The following FRRS1 variants were observed in gnomAD, a reference collection of about 807,000 sequenced individuals.
The protein encoded by FRRS1 is ferric reductase 1.
A neutral mutation model predicts 70.7 loss-of-function variants in FRRS1; 51 were observed. That is an observed-to-expected ratio of 0.72 (90% CI 0.58 to 0.91). FRRS1 has a LOEUF of 0.91. FRRS1 is among the 40% of genes least tolerant of loss of function. The pLI is 0.00. For synonymous variants in FRRS1, 225 were observed against 238.7 expected, an observed-to-expected ratio of 0.94 and a Z score of 0.53; for missense variants, 672 against 726.0, an observed-to-expected ratio of 0.93 and a Z score of 0.86.
intron 12 of FRRS1, among the ~76,000 whole-genome samples, chr1:99,712,839 A>G (rs1654340569): frequency 6.6e-6 from 1 of 152,192 alleles, no homozygotes; most frequent in African/African-American, 2.4e-5. Context: ...GGTGGAATCC[A>G]TGTACAGAAT....
intron 4 of FRRS1, among the ~76,000 whole-genome samples, chr1:99,745,453 G>A (rs775135719): frequency 6.6e-6 from 1 of 152,140 alleles, no homozygotes; most frequent in Non-Finnish European, 1.5e-5. Flanking sequence ...GGAGGCCGAG[G>A]CGGGAGGATC....
Position 99,738,135 on chromosome 1 carries a change from C to T in FRRS1, c.710G>A (p.Gly237Asp), listed in dbSNP as rs1483192157. Reference sequence around the variant, plus strand: ...AAAGGATAAATAGCCTTTACTGGGGCCGCTCATTTCAACCATCACCGATTG... The same window carrying T: ...AAAGGATAAATAGCCTTTACTGGGGTCGCTCATTTCAACCATCACCGATTG... ...DDQSVMVEMS[G>D]PSKGYLSFAL... is the part of the protein sequence containing the mutation. The change falls in exon 7 of 17, where the codon GGC (glycine) becomes GAC (aspartate). Residue 237 changes from glycine (G) to aspartate (D), a missense_variant. Physicochemically the swap from Gly to Asp is moderately conservative, Grantham distance 94. Transcript: ENST00000646001. The T allele has an allele frequency of 6.2e-7, 1 of 1,613,748 alleles. No homozygotes were observed. Among genetic ancestry groups the T allele is most frequent in the Non-Finnish European group, 8.5e-7 (1 of 1,179,716 alleles).
chr1:99,734,794 A>G (rs1249361254), intron 7 of FRRS1, among the ~76,000 whole-genome samples: 1 of 152,174 alleles, frequency 6.6e-6, no homozygotes, highest in Non-Finnish European at 1.5e-5. Context: ...GGGGCATAAT[A>G]AAAAGTTCAG....
Position 99,728,639 on chromosome 1 carries a change from T to A in FRRS1, c.860A>T (p.Asp287Val), listed in dbSNP as rs762839249. The A allele has an allele frequency of 6.2e-7, 1 of 1,612,506 alleles. No homozygotes were observed. Among genetic ancestry groups the A allele is most frequent in the Non-Finnish European group, 8.5e-7 (1 of 1,179,194 alleles). ...GRSHPVMDSR[D>V]TLEDMAWRLA... ...CCTCCAAGCCATATCCTCAAGGGTA[T>A]CCTACAAACACACACAATGGGTCTT... Residue 287 changes from aspartate to valine, a missense_variant and splice_region_variant, in exon 9 of 17, where the codon GAT becomes GTT. Transcript: ENST00000646001.
intron 1 of FRRS1, among the ~76,000 whole-genome samples, chr1:99,764,200 G>C (rs1657249215): frequency 6.6e-6 from 1 of 151,984 alleles, no homozygotes. Context: ...CTCCACTGAG[G>C]AATCAAAACA....
chr1:99,709,559 T>C (rs1056816590), intron 15 of FRRS1, among the ~76,000 whole-genome samples: 3 of 152,226 alleles, frequency 2.0e-5, no homozygotes, highest in African/African-American at 4.8e-5. Context: ...AAATATTGTA[T>C]ATATTCATGG....
In FRRS1 at chr1:99,704,170, GA is replaced by G. The variant is rs1037166523; in HGVS notation, c.*4857del. Among the ~76,000 whole-genome samples the G allele has an allele frequency of 6.6e-6, 1 of 152,186 alleles. No homozygotes were observed. The highest frequency in any genetic ancestry group is 1.5e-5 in the Non-Finnish European group (1 of 68,038). Reference sequence around the variant, plus strand: ...TTGGATCCTCACAGCTGCTCTGTGAGATGGGCTTTACAGATGAAAGAATAGA... The same window carrying G: ...TTGGATCCTCACAGCTGCTCTGTGAGTGGGCTTTACAGATGAAAGAATAGA... On this transcript the variant is annotated 3_prime_UTR_variant, in exon 17 of 17. Coordinates refer to ENST00000646001, the MANE Select transcript of FRRS1 (RefSeq NM_001361041.2).
intron 8 of FRRS1, 65 bp from the exon 9 acceptor site, chr1:99,728,705 C>A: frequency 7.0e-7 from 1 of 1,421,798 alleles, no homozygotes; most frequent in South Asian, 1.2e-5. Flanking sequence ...AAGATATGAT[C>A]AAAATCCTGC....
rs1465371532 is a variant in FRRS1, at chr1:99,748,769, C to G, written c.1-1G>C. 1 of 1,611,340 alleles carries G rather than the reference C, an allele frequency of 6.2e-7. No individual in the cohort carries two copies. Among genetic ancestry groups the G allele is most frequent in the Admixed American group, 1.7e-5 (1 of 59,594 alleles). ...CAAGAGTAAATCCAGAAACTGCCAT[C>G]TCAAAAAGAAGGGTAAAAGCCCATT... is the stretch of plus-strand genomic sequence containing the variant. On this transcript the variant is annotated splice_acceptor_variant, in intron 2 of 16. Transcript: ENST00000646001. LOFTEE classifies it low-confidence loss of function (5UTR_SPLICE).
chr1:99,734,699 C>G lies in FRRS1; in HGVS notation c.759+3387G>C, dbSNP rs141486178. On this transcript the variant is annotated intron_variant, in intron 7 of 16. Transcript: ENST00000646001. ...GTTTATAAATTGCCTAGGACAGTAC[C>G]CAACAAGAAACAAGCCATCAACAAT... 2.4e-3 allele frequency among the ~76,000 whole-genome samples: 372 copies of G among 152,202 alleles called. 2 individuals carry two copies. The highest frequency in any genetic ancestry group is 0.017 in the Middle Eastern group (5 of 294).
Position 99,755,845 on chromosome 1 carries a change from C to T in FRRS1, c.-105-6844G>A, listed in dbSNP as rs1460707262. On this transcript the variant is annotated intron_variant, in intron 1 of 16. Coordinates refer to ENST00000646001, the MANE Select transcript of FRRS1 (RefSeq NM_001361041.2). Reference sequence around the variant, plus strand: ...AGGGAAGTGACTAAGACACCACCACCCATCATCGATTAGGAAAATATAACA... The same window carrying T: ...AGGGAAGTGACTAAGACACCACCACTCATCATCGATTAGGAAAATATAACA... 7.2e-5 allele frequency among the ~76,000 whole-genome samples: 11 copies of T among 152,254 alleles called. No homozygotes were observed. In the East Asian group the frequency reaches 2.1e-3, roughly 29 times the overall value.
intron 4 of FRRS1, among the ~76,000 whole-genome samples, chr1:99,744,833 T>A (rs1374639576): frequency 6.7e-6 from 1 of 149,382 alleles, no homozygotes; most frequent in African/African-American, 2.4e-5. Context: ...AGCCGGGCGT[T>A]GTGGCGGGCG....
rs1284221606 is a variant in FRRS1 at position 99,706,571 on chromosome 1, C to A, written c.*2457G>T. Among the ~76,000 whole-genome samples, 2 of 152,100 alleles carry A rather than the reference C, an allele frequency of 1.3e-5. No individual in the cohort carries two copies. The highest frequency in any genetic ancestry group is 4.8e-5 in the African/African-American group (2 of 41,410). On this transcript the variant is annotated 3_prime_UTR_variant, in exon 17 of 17. Coordinates refer to ENST00000646001, the MANE Select transcript of FRRS1 (RefSeq NM_001361041.2). Reference sequence around the variant, plus strand: ...TATAGCAAGCCCACATATTTGAAGACCAAACACATCAAGACTCATCTTTCC... The same window carrying A: ...TATAGCAAGCCCACATATTTGAAGAACAAACACATCAAGACTCATCTTTCC...
chr1:99,741,533 T>C (rs1223091162), intron 5 of FRRS1, among the ~76,000 whole-genome samples: 1 of 152,226 alleles, frequency 6.6e-6, no homozygotes, highest in African/African-American at 2.4e-5. Flanking sequence ...TAGATGGCAT[T>C]ATAACATTCC....
chr1:99,742,407 A>T, intron 4 of FRRS1, 134 bp from the exon 5 acceptor site: 1 of 603,408 alleles, frequency 1.7e-6, no homozygotes, highest in Non-Finnish European at 3.0e-6. Context: ...ATTTAGAAGA[A>T]GGACTCAGGC....
intron 1 of FRRS1, among the ~76,000 whole-genome samples, chr1:99,758,592 A>G (rs1656956303): frequency 7.8e-6 from 1 of 128,458 alleles, no homozygotes; most frequent in Admixed American, 7.8e-5. Context: ...TGTTAACTGT[A>G]CAAATTGACT....
intron 9 of FRRS1, among the ~76,000 whole-genome samples, chr1:99,725,794 A>G (rs533392340): frequency 6.6e-6 from 1 of 152,244 alleles, no homozygotes; most frequent in African/African-American, 2.4e-5. Flanking sequence ...TAACCTATGA[A>G]GAAACATTTC....
chr1:99,760,314 C>CA (rs1657055051), intron 1 of FRRS1, among the ~76,000 whole-genome samples: 1 of 152,124 alleles, frequency 6.6e-6, no homozygotes, highest in Admixed American at 6.6e-5. Context: ...TTAATTTGTT[C>CA]AAACGTAAAA....
chr1:99,726,709 T>C (rs1571113432), intron 9 of FRRS1, among the ~76,000 whole-genome samples: 2 of 152,334 alleles, frequency 1.3e-5, no homozygotes, highest in East Asian at 3.9e-4. Flanking sequence ...ACATTTCCCA[T>C]GTTCCTTTTC....
Sources: gnomAD v4.1 joint callset for allele counts (sites outside exome capture counted in the v4.1 genomes callset) on GRCh38, gnomAD v4.1.1 for gene constraint, MANE v1.5 for transcripts, NCBI Gene and HGNC (gene_info 2026-07-23, HGNC 2026-07-21) for gene names.